IQGAP2: variants seen among roughly 807,000 people sequenced by gnomAD.
IQGAP2 encodes the protein ras GTPase-activating-like protein IQGAP2.
Under a neutral mutation model 201.3 loss-of-function variants are expected in IQGAP2, and 173 were observed. The ratio of observed to expected loss-of-function variants is 0.86; its 90% CI spans 0.76 to 0.98. The LOEUF is 0.98. Among genes scored for constraint, IQGAP2 ranks in the 50% least tolerant of loss-of-function variants. IQGAP2 has a pLI of 0.00. For missense variants in IQGAP2, 1,687 were observed against 1,864.8 expected, an observed-to-expected ratio of 0.90 and a Z score of 1.76; for synonymous variants, 675 against 673.9, an observed-to-expected ratio of 1.00 and a Z score of -0.03.
intron 2 of IQGAP2, among the ~76,000 whole-genome samples, chr5:76,497,289 G>C (rs1228937034): frequency 6.6e-6 from 1 of 152,180 alleles, no homozygotes; most frequent in East Asian, 1.9e-4. Flanking sequence ...TGAGGACACA[G>C]CCCTCTTCTT....
chr5:76,589,470 G>A (rs567305912), intron 6 of IQGAP2, 145 bp from the exon 7 acceptor site: 33 of 494,424 alleles, frequency 6.7e-5, no homozygotes, highest in South Asian at 5.5e-4. Flanking sequence ...GAGAAACTTG[G>A]GCTAGGTTCT....
intron 14 of IQGAP2, among the ~76,000 whole-genome samples, chr5:76,631,336 T>G (rs980708870): frequency 6.6e-6 from 1 of 152,180 alleles, no homozygotes; most frequent in African/African-American, 2.4e-5. Flanking sequence ...AATTAAGTTT[T>G]AGGACTCCGT....
chr5:76,628,637 G>C (rs1323278712), intron 14 of IQGAP2: 1 of 446,168 alleles, frequency 2.2e-6, no homozygotes, highest in East Asian at 7.0e-5. Context: ...CTATTCTGTT[G>C]TATCAGGTCA....
intron 1 of IQGAP2, among the ~76,000 whole-genome samples, chr5:76,409,455 C>A (rs1750990081): frequency 6.6e-6 from 1 of 151,914 alleles, no homozygotes; most frequent in South Asian, 2.1e-4. Flanking sequence ...TCATGTCGGC[C>A]AGGCTGGTCT....
At chr5:76,595,828 G>C (rs949109351) in intron 9 of IQGAP2, among the ~76,000 whole-genome samples, 6 of 151,848 alleles carry the variant, frequency 4.0e-5, no homozygotes, top group African/African-American at 1.2e-4. Flanking sequence ...ATGATTTTCT[G>C]ATGTTTGAAA....
intron 1 of IQGAP2, among the ~76,000 whole-genome samples, chr5:76,450,214 A>G (rs1450670102): frequency 2.6e-5 from 4 of 152,094 alleles, no homozygotes; most frequent in African/African-American, 9.7e-5. Flanking sequence ...TTACACAATC[A>G]CGGGTTGTAT....
chr5:76,461,167 C>T lies in IQGAP2; in HGVS notation c.47-403C>T, dbSNP rs183294682. Among the ~76,000 whole-genome samples, 282 of 151,802 alleles carry T rather than the reference C, an allele frequency of 1.9e-3. 1 individual carries two copies. Among genetic ancestry groups the T allele is most frequent in the Middle Eastern group, 6.8e-3 (2 of 294 alleles). The stretch of plus-strand genomic sequence containing the variant: ...TGCTGGGATTACAGGCGTGAGCCGC[C>T]GCACCTGGCCTTGATTCACTTGTTA... On this transcript the variant is annotated intron_variant, in intron 1 of 35. Coordinates refer to ENST00000274364, the MANE Select transcript of IQGAP2 (RefSeq NM_006633.5).
chr5:76,445,110 T>C (rs577285307), intron 1 of IQGAP2, among the ~76,000 whole-genome samples: 1 of 152,306 alleles, frequency 6.6e-6, no homozygotes, highest in Admixed American at 6.5e-5. Flanking sequence ...CTCGTGTCTT[T>C]AGGACTCTTC....
chr5:76,459,690 G>A (rs1754315082), intron 1 of IQGAP2, among the ~76,000 whole-genome samples: 1 of 152,120 alleles, frequency 6.6e-6, no homozygotes, highest in African/African-American at 2.4e-5. Context: ...CTAGGCTGGA[G>A]TGCAGTGGTG....
intron 13 of IQGAP2, chr5:76,618,768 T>C (rs376633552): frequency 4.8e-6 from 4 of 839,706 alleles, no homozygotes; most frequent in East Asian, 2.7e-5. Context: ...AAAGTTATTG[T>C]AGATTAGGCA....
intron 2 of IQGAP2, among the ~76,000 whole-genome samples, chr5:76,559,837 A>G (rs1744234243): frequency 6.6e-6 from 1 of 152,132 alleles, no homozygotes; most frequent in African/African-American, 2.4e-5. Context: ...ATGTGGCTAC[A>G]TAGTCCCCAC....
Position 76,702,502 on chromosome 5 carries a change from A to T in IQGAP2, c.4526A>T (p.Asp1509Val), listed in dbSNP as rs1747492209. The change falls in exon 35 of 36, where the codon GAT becomes GTT. Residue 1509 changes from aspartate to valine, a missense_variant. Transcript: ENST00000274364. ...CACAGGTTTAAGAATGTTACATTTG[A>T]TATCATAGCTACTGAAGATGTAGGC... ...QTNQFKNVTF[D>V]IIATEDVGIF... The T allele has an allele frequency of 6.4e-7, 1 of 1,555,486 alleles. No homozygotes were observed. The highest frequency in any genetic ancestry group is 8.9e-7 in the Non-Finnish European group (1 of 1,126,906).
chr5:76,432,269 C>T (rs1028484702), intron 1 of IQGAP2, among the ~76,000 whole-genome samples: 1 of 151,914 alleles, frequency 6.6e-6, no homozygotes. Flanking sequence ...GGATTACAGG[C>T]ATGCACCACC....
chr5:76,466,380 C>T (rs1418053831), intron 2 of IQGAP2, among the ~76,000 whole-genome samples: 1 of 152,036 alleles, frequency 6.6e-6, no homozygotes, highest in African/African-American at 2.4e-5. Context: ...GCAAGGAATG[C>T]AGAATAGTCA....
chr5:76,674,551 C>A lies in IQGAP2; in HGVS notation c.3369C>A (p.Asp1123Glu), dbSNP rs752828131. 2 of 1,614,006 alleles carry A rather than the reference C, an allele frequency of 1.2e-6. No homozygotes were observed. The highest frequency in any genetic ancestry group is 1.7e-6 in the Non-Finnish European group (2 of 1,180,006). Residue 1123 changes from aspartate to glutamate, a missense_variant, in exon 27 of 36, where the codon GAC becomes GAA. Transcript: ENST00000274364. ...IVAPDGFDII[D>E]MTAGGQINSD... ...CTCCAGATGGCTTTGATATCATCGACATGACAGCTGGAGGTCAGATAAATT... is the reference window on the plus strand; with the variant it reads ...CTCCAGATGGCTTTGATATCATCGAAATGACAGCTGGAGGTCAGATAAATT...
intron 34 of IQGAP2, 39 bp from the exon 35 acceptor site, chr5:76,702,443 T>C (rs1747486932): frequency 2.2e-6 from 2 of 929,730 alleles, no homozygotes; most frequent in South Asian, 2.7e-5. Flanking sequence ...CACATCTGTA[T>C]TTGTAATTTC....
At chr5:76,485,181 G>A (rs1756039754) in intron 2 of IQGAP2, among the ~76,000 whole-genome samples, 1 of 152,130 alleles carries the variant, frequency 6.6e-6, no homozygotes, top group Non-Finnish European at 1.5e-5. Flanking sequence ...GGTGCGAATG[G>A]GCACAGAGGG....
rs758140096 is a variant in IQGAP2, at chr5:76,461,583, T to G, written c.60T>G (p.Asp20Glu). The G allele has an allele frequency of 6.2e-7, 1 of 1,613,346 alleles. No homozygotes were observed. The highest frequency in any genetic ancestry group is 1.7e-4 in the Middle Eastern group (1 of 6,058). ...CTCTATTTCTAGCTATTGTGGACGA[T>G]GAAAGGCTCTCTGCAGAGGAGATGG... ...QRPRYGSIVD[D>E]ERLSAEEMDE... Residue 20 changes from aspartate (D) to glutamate (E), a missense_variant, in exon 2 of 36, where the codon GAT becomes GAG. Coordinates refer to ENST00000274364, the MANE Select transcript of IQGAP2 (RefSeq NM_006633.5).
At chr5:76,551,563 A>C (rs962755139) in intron 2 of IQGAP2, among the ~76,000 whole-genome samples, 95 of 152,220 alleles carry the variant, frequency 6.2e-4, no homozygotes, top group Non-Finnish European at 1.0e-3. Context: ...AGCCTGGGCA[A>C]CATTGAGCAC....
Sources: gnomAD v4.1 joint callset for allele counts (sites outside exome capture counted in the v4.1 genomes callset) on GRCh38, gnomAD v4.1.1 for gene constraint, MANE v1.5 for transcripts, NCBI Gene and HGNC (gene_info 2026-07-23, HGNC 2026-07-21) for gene names.